Variants in GARNL3 observed in about 807,000 individuals in gnomAD.
GARNL3 encodes GTPase-activating Rap/Ran-GAP domain-like protein 3.
In GARNL3, 63 loss-of-function variants were observed where a neutral mutation model predicts 125.0. That is an observed-to-expected ratio of 0.50 (90% CI 0.41 to 0.62). GARNL3 has a LOEUF of 0.62. GARNL3 is among the 20% of genes least tolerant of loss of function. The probability of loss-of-function intolerance (pLI) is 0.00; values close to 1 mark genes in which losing one functional copy is unlikely to be tolerated. For synonymous variants in GARNL3, 439 were observed against 457.5 expected, an observed-to-expected ratio of 0.96 and a Z score of 0.52; for missense variants, 994 against 1,244.0, an observed-to-expected ratio of 0.80 and a Z score of 3.02.
chr9:127,360,367 T>C (rs1830926054), intron 21 of GARNL3, among the ~76,000 whole-genome samples: 1 of 152,144 alleles, frequency 6.6e-6, no homozygotes, highest in South Asian at 2.1e-4. Flanking sequence ...CCCTATTTCC[T>C]GGCTCTGAGA....
rs983952110 is a variant in GARNL3 at position 127,254,297 on chromosome 9, G to A, written c.144-10655G>A. ...TAGAGACTCTTTAGGAAATCATGAT[G>A]GTGAAGGATTTCTTAAGTCAGAAAA... On this transcript the variant is annotated intron_variant, in intron 2 of 10. Transcript: ENST00000439286. Among the ~76,000 whole-genome samples, 5 of 152,068 alleles carry A rather than the reference G, an allele frequency of 3.3e-5. No individual in the cohort carries two copies. In the East Asian group the frequency reaches 9.6e-4, roughly 29 times the overall value.
chr9:127,383,416 G>C (rs1204152325), intron 22 of GARNL3, 22 bp from the exon 23 acceptor site: 15 of 1,472,710 alleles, frequency 1.0e-5, no homozygotes, highest in Non-Finnish European at 1.4e-5. Context: ...ACAAAAATGA[G>C]TTGCTGTTGT....
intron 2 of GARNL3, among the ~76,000 whole-genome samples, chr9:127,256,659 T>C (rs546592200): frequency 4.6e-5 from 7 of 152,334 alleles, no homozygotes; most frequent in African/African-American, 1.4e-4. Context: ...TCAGATACAG[T>C]ATTTTAAATT....
upstream of GARNL3, among the ~76,000 whole-genome samples, chr9:127,263,275 G>A (rs117476043): frequency 3.3e-5 from 5 of 152,322 alleles, no homozygotes; most frequent in East Asian, 7.7e-4. Context: ...GGCAGCACAG[G>A]GAGGACCCAG....
intron 2 of GARNL3, among the ~76,000 whole-genome samples, chr9:127,255,083 G>A (rs2063474682): frequency 6.6e-6 from 1 of 152,204 alleles, no homozygotes; most frequent in Non-Finnish European, 1.5e-5. Context: ...ACTTCGGAAA[G>A]CAAATGTGAC....
intron 4 of GARNL3, 134 bp downstream of exon 4, chr9:127,313,693 T>C: frequency 1.4e-6 from 1 of 705,870 alleles, no homozygotes; most frequent in South Asian, 1.7e-5. Flanking sequence ...TCTGAGAAGT[T>C]GACAGTGCCT....
chr9:127,330,018 G>A (rs537745439), intron 7 of GARNL3, among the ~76,000 whole-genome samples: 4 of 152,146 alleles, frequency 2.6e-5, no homozygotes, highest in Non-Finnish European at 5.9e-5. Context: ...CTCAAAGTGG[G>A]GGCCCTAGGC....
upstream of GARNL3, among the ~76,000 whole-genome samples, chr9:127,260,903 A>G (rs1262343077): frequency 6.6e-6 from 1 of 152,178 alleles, no homozygotes; most frequent in Non-Finnish European, 1.5e-5. Flanking sequence ...TAGTGACTTA[A>G]GGCAATAAAA....
Position 127,364,030 on chromosome 9 carries a change from G to A in GARNL3, c.2095-1270G>A, listed in dbSNP as rs971189619. 3.6e-4 allele frequency: 55 copies of A among 152,358 alleles called. No homozygotes were observed. Among genetic ancestry groups the A allele is most frequent in the African/African-American group, 1.3e-3 (53 of 41,556 alleles). 9.4% of individuals were successfully genotyped at this position (152,358 alleles called of 1,614,324 possible). A position where few individuals can be genotyped will look rare whatever the true frequency, so the allele number is the denominator to read the frequency against. ...TAAGCCATTTGCCACACACCACAGA[G>A]GCAGTAAGTGGCCTAGACAGGGCTT... On this transcript the variant is annotated intron_variant, in intron 21 of 27. Transcript: ENST00000373387. This position sits in a 1 kb window ranked among gnomAD's most constrained non-coding sequence, Gnocchi z 4.2.
chr9:127,377,831 A>C (rs1340240995), intron 22 of GARNL3, among the ~76,000 whole-genome samples: 2 of 151,950 alleles, frequency 1.3e-5, no homozygotes, highest in African/African-American at 4.8e-5. Flanking sequence ...TCCATGAACA[A>C]AGTTTGAAAG....
intron 2 of GARNL3, among the ~76,000 whole-genome samples, chr9:127,295,439 A>G (rs1195509628): frequency 6.6e-6 from 1 of 152,070 alleles, no homozygotes; most frequent in African/African-American, 2.4e-5. Flanking sequence ...TACCTCCTTT[A>G]TAGGACTTTT....
At chr9:127,231,036 A>ACATATGTGTATATATACTTATATG (rs1564835195) in intron 1 of GARNL3, among the ~76,000 whole-genome samples, 1 of 32,492 alleles carries the variant, frequency 3.1e-5, no homozygotes, top group Non-Finnish European at 5.1e-5. Flanking sequence ...GTATATATAC[A>ACATATGTGTATATATACTTATATG]TATATATATA....
At chr9:127,295,047 A>T (rs2064545216) in intron 2 of GARNL3, among the ~76,000 whole-genome samples, 1 of 152,238 alleles carries the variant, frequency 6.6e-6, no homozygotes, top group Non-Finnish European at 1.5e-5. Flanking sequence ...CAGACTGTCC[A>T]TCTTTTCAAT....
rs531371196 is a variant in GARNL3, at chr9:127,307,277, T to C, written c.220-4359T>C. The stretch of plus-strand genomic sequence containing the variant: ...GAACCACTTGTAAAACAGTTGCTGG[T>C]TCCCCACTCATAGAGATCTTAAGGA... On this transcript the variant is annotated intron_variant, in intron 2 of 27. Coordinates refer to ENST00000373387, the MANE Select transcript of GARNL3 (RefSeq NM_032293.5). Among the ~76,000 whole-genome samples the C allele has an allele frequency of 2.6e-5, 4 of 152,328 alleles. No homozygotes were observed. In the South Asian group the frequency reaches 8.3e-4, roughly 32 times the overall value.
intron 1 of GARNL3, chr9:127,225,455 G>C: frequency 1.3e-6 from 1 of 748,614 alleles, no homozygotes; most frequent in Non-Finnish European, 1.6e-6. Context: ...CCACGTGGGG[G>C]GATGGCGATG....
chr9:127,381,559 C>A (rs150041449), intron 22 of GARNL3, among the ~76,000 whole-genome samples: 1 of 152,068 alleles, frequency 6.6e-6, no homozygotes, highest in African/African-American at 2.4e-5. Context: ...TGAAATTATA[C>A]AGTATGTACT....
intron 21 of GARNL3, 154 bp from the exon 22 acceptor site, chr9:127,365,146 C>T (rs1831214393): frequency 1.5e-6 from 1 of 648,034 alleles, no homozygotes; most frequent in Admixed American, 2.5e-5. Context: ...TCCCAGCCCC[C>T]AATGTGCATT....
chr9:127,234,171 A>G (rs943083094), intron 1 of GARNL3, among the ~76,000 whole-genome samples: 3 of 152,218 alleles, frequency 2.0e-5, no homozygotes, highest in Admixed American at 6.5e-5. Flanking sequence ...TAATTTTCAT[A>G]TTATGTCTGT....
chr9:127,281,673 A>G (rs935387813), intron 1 of GARNL3, among the ~76,000 whole-genome samples: 1 of 152,184 alleles, frequency 6.6e-6, no homozygotes, highest in African/African-American at 2.4e-5. Context: ...CAGGCACAGA[A>G]GTGGACTAAA....
Sources: gnomAD v4.1 joint callset for allele counts (sites outside exome capture counted in the v4.1 genomes callset) on GRCh38, gnomAD v4.1.1 for gene constraint, Gnocchi (gnomAD v3.1) non-coding constraint, MANE v1.5 for transcripts, NCBI Gene and HGNC (gene_info 2026-07-23, HGNC 2026-07-21) for gene names.